Variants in OPRM1 observed in about 807,000 individuals in gnomAD.
OPRM1 encodes the protein mu-type opioid receptor.
In OPRM1, 27 loss-of-function variants were observed where a neutral mutation model predicts 31.8. That is an observed-to-expected ratio of 0.85 (90% CI 0.63 to 1.17). The LOEUF (loss-of-function observed/expected upper bound fraction) is 1.17, where lower values mean the gene tolerates loss of function less well. OPRM1 is among the 50% of genes most tolerant of loss of function. The pLI is 0.00. For missense variants in OPRM1, 536 were observed against 511.1 expected (o/e 1.05, Z -0.47); for synonymous variants, 196 against 189.9 (o/e 1.03, Z -0.26).
intron 3 of OPRM1, among the ~76,000 whole-genome samples, chr6:154,239,893 G>T (rs1780442822): frequency 2.0e-5 from 3 of 152,068 alleles, no homozygotes; most frequent in African/African-American, 2.4e-5. Flanking sequence ...AGTAGAGGGG[G>T]GTTTCACCAT....
In OPRM1 at chr6:154,039,318, T is replaced by G; in HGVS notation, c.-227T>G. On this transcript the variant is annotated 5_prime_UTR_variant, in exon 1 of 4. Coordinates refer to ENST00000330432, the MANE Select transcript of OPRM1 (RefSeq NM_000914.5). ...CGGTGCGGGGCAGGTGATGAGCCTC[T>G]GTGAACTACTAAGGTGGGAGGGGGC... The G allele has an allele frequency of 1.3e-6, 2 of 1,550,650 alleles. No individual in the cohort carries two copies. Among genetic ancestry groups the G allele is most frequent in the Non-Finnish European group, 8.7e-7 (1 of 1,146,468 alleles).
chr6:154,191,546 C>A (rs775978257), intron 3 of OPRM1, among the ~76,000 whole-genome samples: 2 of 151,762 alleles, frequency 1.3e-5, no homozygotes, highest in East Asian at 1.9e-4. Flanking sequence ...TGGTGGCGAG[C>A]GCCTATAGTC....
intron 1 of OPRM1, chr6:154,086,858 T>A: frequency 2.0e-6 from 2 of 984,794 alleles, no homozygotes; most frequent in African/African-American, 3.5e-5. Flanking sequence ...AGTTATTTTC[T>A]CTTTTGGGGA....
intron 1 of OPRM1, among the ~76,000 whole-genome samples, chr6:154,016,458 T>A (rs1778010170): frequency 6.6e-6 from 1 of 152,160 alleles, no homozygotes; most frequent in South Asian, 2.1e-4. Context: ...CATATCTGTT[T>A]ACGGTAACAA....
chr6:154,023,859 T>C (rs2128383398), intron 1 of OPRM1, among the ~76,000 whole-genome samples: 1 of 152,286 alleles, frequency 6.6e-6, no homozygotes, highest in East Asian at 1.9e-4. Flanking sequence ...ATTGATTGAT[T>C]TGTGTATGCT....
intron 3 of OPRM1, among the ~76,000 whole-genome samples, chr6:154,222,588 A>C (rs886680539): frequency 6.6e-6 from 1 of 152,168 alleles, no homozygotes; most frequent in Non-Finnish European, 1.5e-5. Flanking sequence ...CGCTCATGAG[A>C]TCTAAGCAGG....
At chr6:154,134,645 G>C (rs1490899145), downstream of OPRM1, among the ~76,000 whole-genome samples, 1 of 152,146 alleles carries the variant, frequency 6.6e-6, no homozygotes, top group East Asian at 1.9e-4. Context: ...ACAGGAACTT[G>C]TTAAAAGATA....
chr6:154,086,080 C>A (rs1356997430), intron 1 of OPRM1, among the ~76,000 whole-genome samples: 1 of 152,076 alleles, frequency 6.6e-6, no homozygotes. Flanking sequence ...TCAAGTGATC[C>A]ATTCACCTCA....
chr6:154,110,715 C>T (rs377628150), intron 3 of OPRM1, among the ~76,000 whole-genome samples: 29 of 151,938 alleles, frequency 1.9e-4, no homozygotes, highest in East Asian at 9.7e-4. Context: ...GGTGAAACCC[C>T]ATCTCTACTA....
In OPRM1 at chr6:154,091,260, G is replaced by C. The variant is rs1218163512; in HGVS notation, c.952G>C (p.Val318Leu). 1 of 1,614,052 alleles carries C rather than the reference G, an allele frequency of 6.2e-7. No homozygotes were observed. The highest frequency in any genetic ancestry group is 8.5e-7 in the Non-Finnish European group (1 of 1,180,044). The stretch of plus-strand genomic sequence containing the variant: ...AATCCCAGAAACTACGTTCCAGACT[G>C]TTTCTTGGCACTTCTGCATTGCTCT... ...VTIPETTFQT[V>L]SWHFCIALGY... is the part of the protein sequence containing the mutation. Residue 318 changes from valine (V) to leucine (L), a missense_variant, in exon 3 of 4, where the codon GTT becomes CTT. Transcript: ENST00000330432.
intron 3 of OPRM1, among the ~76,000 whole-genome samples, chr6:154,228,192 A>G (rs1300185070): frequency 2.6e-5 from 4 of 151,856 alleles, no homozygotes; most frequent in Non-Finnish European, 5.9e-5. Flanking sequence ...GCAGCCAAGC[A>G]GGGTGGCTCA....
chr6:154,100,248 CAT>C (rs1180118203), intron 3 of OPRM1, among the ~76,000 whole-genome samples: 307 of 140,710 alleles, frequency 2.2e-3, no homozygotes, highest in Admixed American at 3.4e-3. Flanking sequence ...CATATTATGA[CAT>C]ATATCATAAT....
chr6:154,159,480 T>G (rs1798845461), intron 3 of OPRM1: 1 of 253,456 alleles, frequency 3.9e-6, no homozygotes, highest in Admixed American at 5.8e-5. Context: ...CAATTACTCC[T>G]GGTAAAATTT....
chr6:154,086,535 C>A, intron 1 of OPRM1: 1 of 980,888 alleles, frequency 1.0e-6, no homozygotes, highest in Non-Finnish European at 1.2e-6. Flanking sequence ...CTATGCATAA[C>A]CACGTTTCCT....
At position 154,119,240 on chromosome 6, in the gene OPRM1, G is replaced by A. The variant is rs966766245; in HGVS notation, c.*519G>A. ...CACCTTAAAATTAGCATCTGGCTAA[G>A]GCATCATTTTCACCTCCATTTCTTG... On this transcript the variant is annotated 3_prime_UTR_variant, in exon 4 of 4. Transcript: ENST00000330432. 4.7e-5 allele frequency: 46 copies of A among 985,450 alleles called. 1 individual carries two copies. In the African/African-American group the frequency reaches 7.8e-4, roughly 17 times the overall value. The allele number at this position is 985,450 out of a possible 1,614,324, so 61.0% of individuals were successfully genotyped here.
At chr6:154,013,950 A>G (rs1402111487) in intron 1 of OPRM1, among the ~76,000 whole-genome samples, 1 of 152,160 alleles carries the variant, frequency 6.6e-6, no homozygotes, top group East Asian at 1.9e-4. Flanking sequence ...GAGTCAAAGA[A>G]CAGAGCAGGT....
At chr6:154,031,327 G>A (rs1487837098) in intron 1 of OPRM1, among the ~76,000 whole-genome samples, 5 of 151,588 alleles carry the variant, frequency 3.3e-5, no homozygotes, top group African/African-American at 2.4e-5. Context: ...CCAAACCATG[G>A]AGTCTACACT....
At chr6:154,160,051 A>G (rs746516519) in intron 3 of OPRM1, 3 of 1,599,158 alleles carry the variant, frequency 1.9e-6, no homozygotes, top group Non-Finnish European at 2.6e-6. Flanking sequence ...CTGTGTGAGT[A>G]GAAAAAAAGG....
intron 1 of OPRM1, among the ~76,000 whole-genome samples, chr6:154,032,399 G>T (rs1290357835): frequency 6.6e-6 from 1 of 152,114 alleles, no homozygotes; most frequent in Non-Finnish European, 1.5e-5. Context: ...ATTTAAACAA[G>T]ATTTTAGCAA....
Sources: allele counts gnomAD v4.1 joint callset (sites outside exome capture counted in the v4.1 genomes callset), GRCh38; gene constraint gnomAD v4.1.1; transcripts MANE v1.5; gene names NCBI Gene and HGNC (gene_info 2026-07-23, HGNC 2026-07-21).